Variants in KLK5 observed in about 807,000 individuals in gnomAD.
KLK5 encodes the protein kallikrein-5.
A neutral mutation model predicts 24.0 loss-of-function variants in KLK5; 18 were observed. That is an observed-to-expected ratio of 0.75 (90% CI 0.52 to 1.11). KLK5 has a LOEUF of 1.11. KLK5 is among the 50% of genes most tolerant of loss of function. The pLI, the probability that KLK5 is intolerant of heterozygous loss-of-function variation, is 0.00. For synonymous variants in KLK5, 140 were observed against 154.0 expected (o/e 0.91, Z 0.67); for missense variants, 374 against 379.2 (o/e 0.99, Z 0.11).
chr19:50,950,222 G>T, intron 2 of KLK5, 106 bp from the exon 3 acceptor site: 1 of 1,079,530 alleles, frequency 9.3e-7, no homozygotes, highest in Non-Finnish European at 1.4e-6. Flanking sequence ...TGTCTGACAT[G>T]CTGAGGGGGC....
At chr19:50,943,881 A>G (rs1356033411) in intron 5 of KLK5, 95 bp from the exon 6 acceptor site, 1 of 911,080 alleles carries the variant, frequency 1.1e-6, no homozygotes, top group Non-Finnish European at 1.7e-6. Context: ...TAGATGGAGA[A>G]GCAGATGGGA....
intron 5 of KLK5, 116 bp downstream of exon 5, chr19:50,948,524 G>A (rs2090654744): frequency 1.0e-6 from 1 of 994,348 alleles, no homozygotes; most frequent in Non-Finnish European, 1.5e-6. Context: ...TGAGCTCTGT[G>A]AGAACAGGGG....
chr19:50,947,058 G>A lies in KLK5; in HGVS notation c.726+1582C>T, dbSNP rs1206696767. On this transcript the variant is annotated intron_variant, in intron 5 of 5. Transcript: ENST00000336334. This position sits in a 1 kb window ranked among gnomAD's most constrained non-coding sequence, Gnocchi z 8.7. ...TAACTACTGTTGAAACACACACCCT[G>A]CTAATGAGAGCTTGTTAACTTACGT... Among the ~76,000 whole-genome samples, 1 of 152,088 alleles carries A rather than the reference G, an allele frequency of 6.6e-6. No individual in the cohort carries two copies. The highest frequency in any genetic ancestry group is 1.5e-5 in the Non-Finnish European group (1 of 68,030).
In KLK5 at chr19:50,952,763, G is replaced by C. The variant is rs907262513; in HGVS notation, c.-28C>G. ...CTCCCCTACCTTATTTCCCCAGGTA[G>C]AGAGGAACCACAAGGACGGGCCACC... On this transcript the variant is annotated 5_prime_UTR_variant, in exon 1 of 6. Transcript: ENST00000336334. 4 of 735,700 alleles carry C rather than the reference G, an allele frequency of 5.4e-6. No individual in the cohort carries two copies. Among genetic ancestry groups the C allele is most frequent in the Non-Finnish European group, 8.5e-6 (4 of 468,554 alleles). 45.6% of individuals were successfully genotyped at this position (735,700 alleles called of 1,614,324 possible).
chr19:50,947,569 T>A lies in KLK5; in HGVS notation c.726+1071A>T, dbSNP rs1228681053. 6.6e-6 allele frequency among the ~76,000 whole-genome samples: 1 copy of A among 152,042 alleles called. No individual in the cohort carries two copies. Among genetic ancestry groups the A allele is most frequent in the Admixed American group, 6.6e-5 (1 of 15,258 alleles). On this transcript the variant is annotated intron_variant, in intron 5 of 5. Coordinates refer to ENST00000336334, the MANE Select transcript of KLK5 (RefSeq NM_012427.5). This position sits in a 1 kb window ranked among gnomAD's most constrained non-coding sequence, Gnocchi z 8.7. ...TTTATGCAGATTCTTGACCACAGAG[T>A]TTTTTATTTTTTAACTTTGTTCCTC...
At position 50,948,890 on chromosome 19, in the gene KLK5, C is replaced by T. The variant is rs1600073558; in HGVS notation, c.561G>A (p.Val187=). The T allele has an allele frequency of 6.2e-7, 1 of 1,614,100 alleles. No homozygotes were observed. Among genetic ancestry groups the T allele is most frequent in the Non-Finnish European group, 8.5e-7 (1 of 1,180,020 alleles). The change falls in exon 4 of 6, where the codon GTG becomes GTA. Residue 187 remains valine (V), a synonymous_variant. Coordinates refer to ENST00000336334, the MANE Select transcript of KLK5 (RefSeq NM_012427.5). ...GGCTCTTGGTTGTCCCCCAGCCAGA[C>T]ACCAAGCACTTTGTCCCAGCAGAGG... The part of the protein sequence containing the change: ...HCPSAGTKCL[V]SGWGTTKSPQ...
At chr19:50,951,996 G>C (rs1422778316) in intron 2 of KLK5, among the ~76,000 whole-genome samples, 2 of 151,800 alleles carry the variant, frequency 1.3e-5, no homozygotes, top group Non-Finnish European at 2.9e-5. Context: ...GCCTCACACA[G>C]ACACACACAG....
At chr19:50,945,722 C>T (rs777688003) in intron 5 of KLK5, among the ~76,000 whole-genome samples, 22 of 151,290 alleles carry the variant, frequency 1.5e-4, no homozygotes, top group South Asian at 4.2e-4. Flanking sequence ...ACCCAGGAGG[C>T]GCATGCTGCA....
Position 50,949,943 on chromosome 19 carries a change from C to A in KLK5, c.247G>T (p.Ala83Ser), listed in dbSNP as rs768909119. 7.4e-6 allele frequency: 12 copies of A among 1,613,566 alleles called. No homozygotes were observed. The Admixed American group carries it at 1.3e-4, about 18-fold the overall frequency. Residue 83 changes from alanine (A) to serine (S), a missense_variant, in exon 3 of 6, where the codon GCG becomes TCG. Coordinates refer to ENST00000336334, the MANE Select transcript of KLK5 (RefSeq NM_012427.5). ...AGCTGGTTGGGCCTTAGCAACAGCG[C>A]GGCCTGCCACGGCTGGGTGTGCATA... ...CDMHTQPWQAALLLRPNQLYC... is the reference protein window; with the variant it reads ...CDMHTQPWQASLLLRPNQLYC...
intron 2 of KLK5, 60 bp from the exon 3 acceptor site, chr19:50,950,176 T>G: frequency 6.4e-7 from 1 of 1,556,040 alleles, no homozygotes; most frequent in Non-Finnish European, 8.7e-7. Context: ...GGGGGTGGGT[T>G]TCAGACTCAA....
At position 50,943,487 on chromosome 19, in the gene KLK5, G is replaced by A. The variant is rs889425085; in HGVS notation, c.*144C>T. On this transcript the variant is annotated 3_prime_UTR_variant, in exon 6 of 6. Transcript: ENST00000336334. ...CGGTCAGCCCAATGTGGGGGAAGCA[G>A]ACCCTGAGTCCAGGAGACATGGGGT... is the stretch of plus-strand genomic sequence containing the variant. 5.3e-6 allele frequency: 4 copies of A among 757,782 alleles called. No homozygotes were observed. The highest frequency in any genetic ancestry group is 8.7e-6 in the Non-Finnish European group (4 of 462,064). 46.9% of individuals were successfully genotyped at this position (757,782 alleles called of 1,614,324 possible). A position where few individuals can be genotyped will look rare whatever the true frequency, so the allele number is the denominator to read the frequency against.
intron 2 of KLK5, among the ~76,000 whole-genome samples, chr19:50,950,949 TA>T (rs989291915): frequency 3.4e-4 from 44 of 128,100 alleles, no homozygotes; most frequent in African/African-American, 1.3e-3. Context: ...ACCCACAGAA[TA>T]GGGGGTGGAG....
chr19:50,950,256 A>C, intron 2 of KLK5, 140 bp from the exon 3 acceptor site: 1 of 764,954 alleles, frequency 1.3e-6, no homozygotes, highest in Admixed American at 2.4e-5. Flanking sequence ...GGAGAATAAG[A>C]GTGGCACCTC....
chr19:50,944,129 A>G (rs886557910), intron 5 of KLK5, among the ~76,000 whole-genome samples: 5 of 151,868 alleles, frequency 3.3e-5, no homozygotes, highest in African/African-American at 1.2e-4. Context: ...TCAGCCTCCC[A>G]AGTAGCTGTG....
chr19:50,946,218 A>G (rs2090632090), intron 5 of KLK5, among the ~76,000 whole-genome samples: 2 of 152,216 alleles, frequency 1.3e-5, no homozygotes, highest in South Asian at 2.1e-4. Flanking sequence ...GTTTCTTTTG[A>G]GAGGCTGTTA....
chr19:50,948,210 C>T (rs982286756), intron 5 of KLK5, among the ~76,000 whole-genome samples: 1 of 151,988 alleles, frequency 6.6e-6, no homozygotes, highest in Non-Finnish European at 1.5e-5. Flanking sequence ...CAACCTCCAC[C>T]TCCTGGGTTT....
chr19:50,943,591 C>T lies in KLK5; in HGVS notation c.*40G>A. Reference sequence around the variant, plus strand: ...GAAAGGAGTGTCAGGGCTGTCCCTGCAGCAGGTGGGGATGCCGGTGTGCTG... The same window carrying T: ...GAAAGGAGTGTCAGGGCTGTCCCTGTAGCAGGTGGGGATGCCGGTGTGCTG... On this transcript the variant is annotated 3_prime_UTR_variant, in exon 6 of 6. Coordinates refer to ENST00000336334, the MANE Select transcript of KLK5 (RefSeq NM_012427.5). 6.3e-7 allele frequency: 1 copy of T among 1,586,750 alleles called. No individual in the cohort carries two copies. The highest frequency in any genetic ancestry group is 8.6e-7 in the Non-Finnish European group (1 of 1,158,458).
intron 5 of KLK5, among the ~76,000 whole-genome samples, chr19:50,944,960 CTCT>C (rs1166805539): frequency 2.0e-5 from 3 of 151,842 alleles, no homozygotes; most frequent in Admixed American, 6.6e-5. Flanking sequence ...TCCTTCCTCT[CTCT>C]TTTCTTTCTT....
chr19:50,949,798 CA>C, intron 3 of KLK5, 56 bp downstream of exon 3: 24 of 386,284 alleles, frequency 6.2e-5, no homozygotes, highest in South Asian at 2.3e-4. Context: ...CCCACTTCCC[CA>C]CCCCCACCCC....
Sources: gnomAD v4.1 joint callset for allele counts (sites outside exome capture counted in the v4.1 genomes callset) on GRCh38, gnomAD v4.1.1 for gene constraint, Gnocchi (gnomAD v3.1) non-coding constraint, MANE v1.5 for transcripts, NCBI Gene and HGNC (gene_info 2026-07-23, HGNC 2026-07-21) for gene names.